The following PVT1 variants were observed in gnomAD, a reference collection of about 807,000 sequenced individuals.
PVT1 encodes Pvt1 oncogene.
At chr8:128,012,611 G>A (rs117208114) in intron 4 of PVT1, among the ~76,000 whole-genome samples, 3,488 of 152,254 alleles carry the variant, frequency 0.023, 62 homozygotes, top group Non-Finnish European at 0.037. Context: ...AGTTGATGGA[G>A]ACCCTGTTTC....
At chr8:127,827,947 G>T (rs1814809638) in intron 2 of PVT1, among the ~76,000 whole-genome samples, 1 of 152,152 alleles carries the variant, frequency 6.6e-6, no homozygotes, top group Non-Finnish European at 1.5e-5. Context: ...CTGCTCTTTG[G>T]AGGGCATCTA....
At chr8:127,949,881 G>A (rs1280269276) in intron 3 of PVT1, among the ~76,000 whole-genome samples, 1 of 152,228 alleles carries the variant, frequency 6.6e-6, no homozygotes, top group Non-Finnish European at 1.5e-5. Flanking sequence ...CCAGGCATCG[G>A]CCCAAGCCGG....
chr8:127,976,803 C>T (rs1056028193), intron 3 of PVT1, among the ~76,000 whole-genome samples: 2 of 152,188 alleles, frequency 1.3e-5, no homozygotes, highest in Non-Finnish European at 2.9e-5. Context: ...GACTCAGTTC[C>T]AGCCCAGGTA....
At chr8:128,052,384 T>G (rs1813708947) in intron 4 of PVT1, among the ~76,000 whole-genome samples, 1 of 152,218 alleles carries the variant, frequency 6.6e-6, no homozygotes, top group Admixed American at 6.5e-5. Context: ...CACTGTGCTG[T>G]CTTGGGGGAA....
At chr8:128,015,339 C>CT (rs942561436) in intron 4 of PVT1, among the ~76,000 whole-genome samples, 103 of 152,210 alleles carry the variant, frequency 6.8e-4, no homozygotes, top group African/African-American at 2.4e-3. Flanking sequence ...ATCTGCCCAT[C>CT]TCGGCCTCCC....
intron 4 of PVT1, among the ~76,000 whole-genome samples, chr8:128,015,771 C>CAAAAAA (rs375990538): frequency 3.4e-4 from 33 of 95,728 alleles, no homozygotes; most frequent in South Asian, 3.9e-4. Flanking sequence ...GACTTTGTCT[C>CAAAAAA]AAAAAAAAAA....
intron 3 of PVT1, among the ~76,000 whole-genome samples, chr8:127,957,630 T>C (rs1232784825): frequency 1.3e-5 from 2 of 148,800 alleles, no homozygotes; most frequent in Non-Finnish European, 3.0e-5. Context: ...ATGGGGGACA[T>C]GGTCTTCATT....
intron 3 of PVT1, among the ~76,000 whole-genome samples, chr8:127,957,570 A>AG (rs1219371308): frequency 2.3e-5 from 3 of 133,130 alleles, no homozygotes; most frequent in African/African-American, 9.1e-5. Context: ...CCGTCTCAAA[A>AG]AAAAAAAAAA....
chr8:128,023,936 G>A (rs1563668442), intron 4 of PVT1, among the ~76,000 whole-genome samples: 1 of 152,158 alleles, frequency 6.6e-6, no homozygotes, highest in Non-Finnish European at 1.5e-5. Context: ...TTTGCTCTAC[G>A]CCAGGCACTT....
chr8:127,909,743 C>T (rs1258318552), intron 3 of PVT1, among the ~76,000 whole-genome samples: 1 of 152,054 alleles, frequency 6.6e-6, no homozygotes, highest in Non-Finnish European at 1.5e-5. Flanking sequence ...AATTGGGGGC[C>T]TCCGTGTTGG....
At chr8:128,019,312 C>T (rs6984573) in intron 4 of PVT1, among the ~76,000 whole-genome samples, 3,364 of 152,168 alleles carry the variant, frequency 0.022, 125 homozygotes, top group African/African-American at 0.073. Context: ...AATATAAAGA[C>T]GGGAAAGTAA....
intron 3 of PVT1, among the ~76,000 whole-genome samples, chr8:127,921,867 T>G (rs1302137522): frequency 7.9e-6 from 1 of 126,984 alleles, no homozygotes; most frequent in Non-Finnish European, 1.7e-5. Flanking sequence ...TTTTTTTTTT[T>G]TTTTTTTTTT....
rs549946029 is a variant in PVT1 at position 127,949,838 on chromosome 8, G to A, written n.783-39324G>A. Among the ~76,000 whole-genome samples, 17 of 152,328 alleles carry A rather than the reference G, an allele frequency of 1.1e-4. No homozygotes were observed. In the South Asian group the frequency reaches 2.5e-3, roughly 22 times the overall value. ...GGCTGTGGAGTTACCCAGACCTTAC[G>A]GTAAAAACGCATCACCCTGAATGGG... On this transcript the variant is annotated intron_variant and non_coding_transcript_variant, in intron 3 of 10. Coordinates refer to ENST00000651587, the Ensembl canonical transcript of PVT1.
intron 5 of PVT1, among the ~76,000 whole-genome samples, chr8:128,083,666 C>G (rs1188493087): frequency 6.6e-6 from 1 of 152,222 alleles, no homozygotes; most frequent in Non-Finnish European, 1.5e-5. Flanking sequence ...TTGAGAGGGT[C>G]TTTCCAACTA....
chr8:128,073,135 C>T (rs1460591901), intron 5 of PVT1, among the ~76,000 whole-genome samples: 1 of 151,924 alleles, frequency 6.6e-6, no homozygotes, highest in African/African-American at 2.4e-5. Flanking sequence ...ACCCGGCCCA[C>T]CTGAGCATTT....
chr8:127,987,097 T>C (rs1396986828), intron 3 of PVT1, among the ~76,000 whole-genome samples: 8 of 152,212 alleles, frequency 5.3e-5, no homozygotes, highest in Non-Finnish European at 1.0e-4. Context: ...GTCTCCTGAT[T>C]TCTTGGGGAC....
At chr8:127,822,352 C>G (rs181008617) in intron 2 of PVT1, among the ~76,000 whole-genome samples, 1 of 152,112 alleles carries the variant, frequency 6.6e-6, no homozygotes, top group Non-Finnish European at 1.5e-5. Flanking sequence ...CCAAGACGAG[C>G]GGATAGTTGA....
chr8:127,935,923 G>T lies in PVT1; in HGVS notation n.782+44925G>T, dbSNP rs562275404. 1.4e-3 allele frequency among the ~76,000 whole-genome samples: 213 copies of T among 152,112 alleles called. 3 individuals are homozygous for T. The highest frequency in any genetic ancestry group is 1.3e-3 in the Non-Finnish European group (88 of 67,998). On this transcript the variant is annotated intron_variant and non_coding_transcript_variant, in intron 3 of 10. Transcript: ENST00000651587. ...CTGAGAGGTGTCAGTGGGTGGTGTGGCCCAAAGATTGAGAATCTTGTCAGG... is the reference window on the plus strand; with the variant it reads ...CTGAGAGGTGTCAGTGGGTGGTGTGTCCCAAAGATTGAGAATCTTGTCAGG...
intron 3 of PVT1, among the ~76,000 whole-genome samples, chr8:127,962,197 T>G (rs528650275): frequency 6.6e-6 from 1 of 151,974 alleles, no homozygotes; most frequent in South Asian, 2.1e-4. Flanking sequence ...AATCTCTTGA[T>G]CTCGTGATCC....
Sources: allele counts gnomAD v4.1 joint callset (sites outside exome capture counted in the v4.1 genomes callset), GRCh38; gene constraint gnomAD v4.1.1; transcripts MANE v1.5; gene names NCBI Gene and HGNC (gene_info 2026-07-23, HGNC 2026-07-21).